PRELID2: variants seen among roughly 807,000 people sequenced by gnomAD.
PRELID2 encodes the protein PRELI domain-containing protein 2.
PRELID2 carries 25 observed loss-of-function variants against 28.4 expected under a neutral mutation model. The ratio of observed to expected loss-of-function variants is 0.88; its 90% CI spans 0.64 to 1.23. The LOEUF (loss-of-function observed/expected upper bound fraction) is 1.23. PRELID2 is among the 50% of genes most tolerant of loss of function. PRELID2 has a pLI of 0.00. For missense variants in PRELID2, 201 were observed against 214.4 expected, an observed-to-expected ratio of 0.94 and a Z score of 0.39; for synonymous variants, 76 against 71.6, an observed-to-expected ratio of 1.06 and a Z score of -0.31.
intron 1 of PRELID2, among the ~76,000 whole-genome samples, chr5:145,573,774 A>T (rs1207733102): frequency 6.6e-6 from 1 of 152,176 alleles, no homozygotes; most frequent in African/African-American, 2.4e-5. Flanking sequence ...GTTGGTTCCA[A>T]GACTTTGCTA....
intron 1 of PRELID2, among the ~76,000 whole-genome samples, chr5:145,731,912 C>T (rs1756358569): frequency 2.0e-5 from 3 of 152,094 alleles, no homozygotes; most frequent in Admixed American, 6.6e-5. Flanking sequence ...CTTTTGTAGA[C>T]CGAAGGATAG....
At chr5:145,681,304 A>G (rs890018295) in intron 1 of PRELID2, among the ~76,000 whole-genome samples, 2 of 152,236 alleles carry the variant, frequency 1.3e-5, no homozygotes, top group African/African-American at 4.8e-5. Flanking sequence ...GCTACCATGG[A>G]ATGGCCCTCT....
the PRELID2 span, among the ~76,000 whole-genome samples, chr5:145,435,353 A>G: frequency 6.6e-6 from 1 of 152,148 alleles, no homozygotes; most frequent in Admixed American, 6.5e-5. Flanking sequence ...AGAACATTCC[A>G]AACAGTGGGA....
At chr5:145,337,693 A>G in the PRELID2 span, among the ~76,000 whole-genome samples, 2 of 15,712 alleles carry the variant, frequency 1.3e-4, no homozygotes, top group African/African-American at 7.1e-4. Flanking sequence ...GCAAATATAT[A>G]TATATATATA....
chr5:145,288,323 T>A, the PRELID2 span, among the ~76,000 whole-genome samples: 1 of 152,170 alleles, frequency 6.6e-6, no homozygotes, highest in African/African-American at 2.4e-5. Flanking sequence ...TTTTTACTTT[T>A]GTTACAATCC....
the PRELID2 span, among the ~76,000 whole-genome samples, chr5:145,367,563 A>C: frequency 1.3e-5 from 2 of 151,944 alleles, no homozygotes; most frequent in Non-Finnish European, 2.9e-5. Flanking sequence ...TTATAGTATC[A>C]GACAGAGCAG....
intron 1 of PRELID2, among the ~76,000 whole-genome samples, chr5:145,665,547 A>C (rs1428360416): frequency 1.3e-5 from 2 of 152,092 alleles, no homozygotes; most frequent in African/African-American, 4.8e-5. Context: ...ATCTAATCAC[A>C]TCATTTCTCC....
chr5:145,230,850 A>G, the PRELID2 span, among the ~76,000 whole-genome samples: 1 of 152,318 alleles, frequency 6.6e-6, no homozygotes, highest in Middle Eastern at 3.4e-3. Flanking sequence ...ATGATGGCTC[A>G]CTCACATGGC....
chr5:145,456,992 G>T, the PRELID2 span, among the ~76,000 whole-genome samples: 2 of 152,132 alleles, frequency 1.3e-5, no homozygotes, highest in African/African-American at 4.8e-5. Flanking sequence ...GTCTAATAAA[G>T]TAGATAATAT....
At chr5:145,768,746 T>G (rs1293377074) in intron 5 of PRELID2, among the ~76,000 whole-genome samples, 1 of 152,196 alleles carries the variant, frequency 6.6e-6, no homozygotes, top group African/African-American at 2.4e-5. Context: ...TTGACATAAG[T>G]GAAGACTGAG....
intron 5 of PRELID2, among the ~76,000 whole-genome samples, chr5:145,787,566 A>C (rs1436159788): frequency 1.3e-5 from 2 of 149,648 alleles, no homozygotes; most frequent in Non-Finnish European, 3.0e-5. Flanking sequence ...TTTTTGACAT[A>C]GGGTCTCACT....
intron 1 of PRELID2, among the ~76,000 whole-genome samples, chr5:145,689,849 G>T (rs1427672989): frequency 1.3e-5 from 2 of 152,072 alleles, no homozygotes; most frequent in Non-Finnish European, 2.9e-5. Context: ...TTATCCTCAG[G>T]GCCTTGCATC....
At chr5:145,524,622 G>A (rs778124787) in intron 1 of PRELID2, among the ~76,000 whole-genome samples, 4 of 152,342 alleles carry the variant, frequency 2.6e-5, no homozygotes, top group Non-Finnish European at 4.4e-5. Flanking sequence ...AAAAGCTGAT[G>A]TGTTTGATAA....
At chr5:145,295,637 A>C in the PRELID2 span, among the ~76,000 whole-genome samples, 1 of 152,128 alleles carries the variant, frequency 6.6e-6, no homozygotes, top group African/African-American at 2.4e-5. Context: ...TAAATCTGGA[A>C]GAGTTCTTTA....
intron 1 of PRELID2, among the ~76,000 whole-genome samples, chr5:145,543,868 T>C (rs943123904): frequency 2.0e-5 from 3 of 152,198 alleles, no homozygotes; most frequent in Admixed American, 6.5e-5. Flanking sequence ...AAGCTTGTCA[T>C]TGGGTTTTTT....
the PRELID2 span, among the ~76,000 whole-genome samples, chr5:145,415,386 C>A: frequency 3.6e-3 from 542 of 151,494 alleles, 10 homozygotes; most frequent in Non-Finnish European, 2.4e-3. Context: ...CACCCATTAA[C>A]CCATCATTTA....
chr5:145,268,942 C>A, the PRELID2 span, among the ~76,000 whole-genome samples: 3 of 151,714 alleles, frequency 2.0e-5, no homozygotes, highest in Admixed American at 1.3e-4. Context: ...TGATATTATC[C>A]AAAAACATAA....
At chr5:145,624,637 GC>G (rs1322890800) in intron 1 of PRELID2, among the ~76,000 whole-genome samples, 4 of 152,076 alleles carry the variant, frequency 2.6e-5, no homozygotes, top group African/African-American at 9.7e-5. Context: ...AAACTGTAAA[GC>G]TTTTATAAGA....
the PRELID2 span, among the ~76,000 whole-genome samples, chr5:145,448,717 C>T: frequency 6.6e-6 from 1 of 152,086 alleles, no homozygotes; most frequent in African/African-American, 2.4e-5. Flanking sequence ...GACCTGAGGC[C>T]ACCACTCTAA....
Sources: gnomAD v4.1 joint callset for allele counts (sites outside exome capture counted in the v4.1 genomes callset) on GRCh38, gnomAD v4.1.1 for gene constraint, MANE v1.5 for transcripts, NCBI Gene and HGNC (gene_info 2026-07-23, HGNC 2026-07-21) for gene names.